Variants in ZBBX observed in about 807,000 individuals in gnomAD.
ZBBX encodes zinc finger B-box domain-containing protein 1.
A neutral mutation model predicts 108.5 loss-of-function variants in ZBBX; 101 were observed. The ratio of observed to expected loss-of-function variants is 0.93; its 90% confidence interval spans 0.79 to 1.10. The LOEUF is 1.10. Among genes scored for constraint, ZBBX ranks in the 50% least tolerant of loss-of-function variants. The pLI is 0.00. For missense variants in ZBBX, 1,009 were observed against 941.4 expected (o/e 1.07, Z -0.94); for synonymous variants, 356 against 323.4 (o/e 1.10, Z -1.08).
chr3:167,258,576 C>T (rs1166238521), intron 20 of ZBBX, among the ~76,000 whole-genome samples: 2 of 150,946 alleles, frequency 1.3e-5, no homozygotes, highest in Non-Finnish European at 2.9e-5. Flanking sequence ...ACATCCTGGT[C>T]TTGTTCCACT....
intron 11 of ZBBX, among the ~76,000 whole-genome samples, chr3:167,324,807 T>TA (rs1198761830): frequency 6.6e-6 from 1 of 152,202 alleles, no homozygotes; most frequent in Non-Finnish European, 1.5e-5. Flanking sequence ...CAAACCTTTT[T>TA]AAGTATTACG....
At chr3:167,183,469 G>A in the ZBBX span, among the ~76,000 whole-genome samples, 1 of 152,208 alleles carries the variant, frequency 6.6e-6, no homozygotes, top group Admixed American at 6.5e-5. Context: ...CGGCGCTAGA[G>A]GAATTAAAGA....
At position 167,288,934 on chromosome 3, in the gene ZBBX, A is replaced by T. The variant is rs781310128; in HGVS notation, c.1929T>A (p.Asn643Lys). The change falls in exon 19 of 22, where the codon AAT becomes AAA. Residue 643 changes from asparagine to lysine, a missense_variant. Transcript: ENST00000675490. ...CCTGCAGAACACCCAAGACAATTGC[A>T]TTATCAGCATATTCACTTAAGCTAT... The part of the protein sequence containing the change: ...PDHSLSEYAD[N>K]AIVLGVLQGA... 2.8e-5 allele frequency: 43 copies of T among 1,545,072 alleles called. No homozygotes were observed. The highest frequency in any genetic ancestry group is 2.0e-5 in the Admixed American group (1 of 50,876).
chr3:167,218,660 A>T, the ZBBX span, among the ~76,000 whole-genome samples: 1 of 152,134 alleles, frequency 6.6e-6, no homozygotes. Flanking sequence ...AAAGTAAAGC[A>T]TATCACCAGA....
downstream of ZBBX, among the ~76,000 whole-genome samples, chr3:167,234,950 A>G (rs182290215): frequency 4.7e-4 from 71 of 151,892 alleles, no homozygotes; most frequent in Non-Finnish European, 1.2e-4. Context: ...CCTGGAACTC[A>G]TCGTGACGGC....
At chr3:167,309,482 T>C (rs1217757137) in intron 16 of ZBBX, among the ~76,000 whole-genome samples, 1 of 152,274 alleles carries the variant, frequency 6.6e-6, no homozygotes, top group Non-Finnish European at 1.5e-5. Flanking sequence ...GTACATCCTC[T>C]GATATCTAGA....
chr3:167,269,590 G>A (rs1726175476), intron 20 of ZBBX, among the ~76,000 whole-genome samples: 2 of 152,314 alleles, frequency 1.3e-5, no homozygotes, highest in African/African-American at 4.8e-5. Context: ...GTGGTGAGGA[G>A]GAAGTAATTC....
chr3:167,192,443 C>T, the ZBBX span, among the ~76,000 whole-genome samples: 1 of 152,038 alleles, frequency 6.6e-6, no homozygotes, highest in Non-Finnish European at 1.5e-5. Context: ...ACTTTGAAAA[C>T]ATCATTCTAA....
At chr3:167,220,767 T>C in the ZBBX span, among the ~76,000 whole-genome samples, 1 of 151,940 alleles carries the variant, frequency 6.6e-6, no homozygotes, top group Non-Finnish European at 1.5e-5. Context: ...GGCATTCAAA[T>C]TGCAAAGGAA....
the ZBBX span, among the ~76,000 whole-genome samples, chr3:167,181,715 C>A: frequency 3.3e-5 from 5 of 152,320 alleles, no homozygotes; most frequent in East Asian, 7.7e-4. Flanking sequence ...GCTCTGCTTT[C>A]CAGGGAACAG....
intron 16 of ZBBX, among the ~76,000 whole-genome samples, chr3:167,309,842 G>A (rs944639659): frequency 1.3e-5 from 2 of 152,208 alleles, no homozygotes; most frequent in African/African-American, 2.4e-5. Context: ...AATTTCTGCA[G>A]CATGTGGCTC....
At chr3:167,239,454 TCTC>T (rs1301101647), downstream of ZBBX, among the ~76,000 whole-genome samples, 4 of 152,038 alleles carry the variant, frequency 2.6e-5, no homozygotes. Flanking sequence ...TTCTCGCCCT[TCTC>T]AGCCTGCTCA....
At chr3:167,257,395 T>TTTA (rs1723708477) in intron 20 of ZBBX, among the ~76,000 whole-genome samples, 2 of 152,124 alleles carry the variant, frequency 1.3e-5, no homozygotes, top group Admixed American at 1.3e-4. Context: ...TTGGATGCCC[T>TTTA]TTACTTCTTT....
chr3:167,257,644 T>A (rs866710538), intron 20 of ZBBX, among the ~76,000 whole-genome samples: 6 of 152,108 alleles, frequency 3.9e-5, no homozygotes, highest in African/African-American at 1.4e-4. Context: ...AATGATCATA[T>A]GGTTATTGTC....
intron 9 of ZBBX, among the ~76,000 whole-genome samples, chr3:167,334,868 T>A (rs1009477143): frequency 4.6e-5 from 7 of 152,136 alleles, no homozygotes; most frequent in African/African-American, 1.7e-4. Context: ...AAGGGGTACA[T>A]CAGGAAGCAC....
the ZBBX span, among the ~76,000 whole-genome samples, chr3:167,189,569 T>C: frequency 6.6e-6 from 1 of 152,168 alleles, no homozygotes; most frequent in Non-Finnish European, 1.5e-5. Context: ...TAACTATCAA[T>C]AGTTAAGTAC....
chr3:167,212,512 AGAG>A, the ZBBX span, among the ~76,000 whole-genome samples: 1 of 152,196 alleles, frequency 6.6e-6, no homozygotes, highest in Non-Finnish European at 1.5e-5. Context: ...TGACCCAAGG[AGAG>A]GAGGCCAGTC....
chr3:167,350,831 A>C (rs1208892225), intron 8 of ZBBX, among the ~76,000 whole-genome samples: 2 of 152,134 alleles, frequency 1.3e-5, no homozygotes, highest in East Asian at 3.9e-4. Context: ...TTCTGAATAA[A>C]CTATAAAACA....
At chr3:167,385,623 AT>A (rs1414587516) in intron 1 of ZBBX, among the ~76,000 whole-genome samples, 5 of 151,570 alleles carry the variant, frequency 3.3e-5, no homozygotes, top group Admixed American at 2.0e-4. Flanking sequence ...TGTACACAAA[AT>A]TTTTTTTCCT....
Sources: allele counts gnomAD v4.1 joint callset (sites outside exome capture counted in the v4.1 genomes callset), GRCh38; gene constraint gnomAD v4.1.1; transcripts MANE v1.5; gene names NCBI Gene and HGNC (gene_info 2026-07-23, HGNC 2026-07-21).